Variants in ASIP observed in about 807,000 individuals in gnomAD.
ASIP encodes agouti-signaling protein.
In ASIP, 11 loss-of-function variants were observed where a neutral mutation model predicts 10.3. The ratio of observed to expected loss-of-function variants is 1.07; its 90% CI spans 0.68 to 1.78. ASIP has a LOEUF of 1.78. Ranked by LOEUF, ASIP falls within the 40% of genes most tolerant of loss-of-function variation. The probability of loss-of-function intolerance (pLI) is 0.00; values close to 1 mark genes in which losing one functional copy is unlikely to be tolerated. For synonymous variants in ASIP, 70 were observed against 70.8 expected, an observed-to-expected ratio of 0.99 and a Z score of 0.06; for missense variants, 180 against 169.2, an observed-to-expected ratio of 1.06 and a Z score of -0.35.
chr20:34,217,753 G>A (rs1436068219), intron 1 of ASIP, among the ~76,000 whole-genome samples: 2 of 152,044 alleles, frequency 1.3e-5, no homozygotes, highest in Non-Finnish European at 2.9e-5. Flanking sequence ...TAGTAGAGAC[G>A]GGGTTTCACC....
intron 1 of ASIP, among the ~76,000 whole-genome samples, chr20:34,234,129 C>T (rs1443113151): frequency 6.6e-6 from 1 of 152,166 alleles, no homozygotes; most frequent in Non-Finnish European, 1.5e-5. Context: ...CTGAGTGGCA[C>T]AAGCTTGATC....
chr20:34,209,141 C>T (rs2034956464), intron 1 of ASIP, among the ~76,000 whole-genome samples: 1 of 152,206 alleles, frequency 6.6e-6, no homozygotes, highest in African/African-American at 2.4e-5. Context: ...ACTTGTAGTA[C>T]TGATGATAGC....
At chr20:34,220,167 T>G (rs2035036316) in intron 1 of ASIP, among the ~76,000 whole-genome samples, 1 of 152,196 alleles carries the variant, frequency 6.6e-6, no homozygotes, top group South Asian at 2.1e-4. Flanking sequence ...CATCTACACG[T>G]GTAGAACTGA....
chr20:34,262,662 CG>C (rs2035714459), intron 2 of ASIP, among the ~76,000 whole-genome samples, 169 bp from the exon 3 acceptor site: 1 of 152,078 alleles, frequency 6.6e-6, no homozygotes. Context: ...GGTCAGTAGC[CG>C]GGCTAACAAG....
chr20:34,246,981 T>G (rs1047310287), intron 1 of ASIP, among the ~76,000 whole-genome samples: 3 of 150,528 alleles, frequency 2.0e-5, no homozygotes, highest in Non-Finnish European at 4.4e-5. Context: ...TGTTGTTGGT[T>G]TTTGTTTTTT....
chr20:34,231,767 T>A (rs2035123386), intron 1 of ASIP, among the ~76,000 whole-genome samples: 1 of 152,202 alleles, frequency 6.6e-6, no homozygotes, highest in South Asian at 2.1e-4. Flanking sequence ...AATAAGCTCA[T>A]TAGGGAAATA....
rs558870636 is a variant in ASIP at position 34,198,390 on chromosome 20, A to G, written c.-11+3630A>G. Among the ~76,000 whole-genome samples, 12 of 152,104 alleles carry G rather than the reference A, an allele frequency of 7.9e-5. No homozygotes were observed. The South Asian group carries it at 2.3e-3, about 29-fold the overall frequency. Reference sequence around the variant, plus strand: ...CAGGCGTGAGCCACCGAGCCCGGTCATTGCTTAACGTTTTAAATCCTCATC... The same window carrying G: ...CAGGCGTGAGCCACCGAGCCCGGTCGTTGCTTAACGTTTTAAATCCTCATC... On this transcript the variant is annotated intron_variant, in intron 1 of 3. Coordinates refer to the ASIP transcript ENST00000568305.
chr20:34,215,756 G>A, intron 1 of ASIP: 1 of 1,502,746 alleles, frequency 6.7e-7, no homozygotes, highest in Non-Finnish European at 9.3e-7. Context: ...ATCACTATAT[G>A]TCCTCTGGGC....
intron 1 of ASIP, chr20:34,214,016 T>A (rs1244080409): frequency 5.4e-6 from 8 of 1,474,414 alleles, no homozygotes; most frequent in Non-Finnish European, 6.6e-6. Context: ...AGATTCCTCA[T>A]TAAGGCTTCT....
chr20:34,220,753 C>T (rs930159222), intron 1 of ASIP, among the ~76,000 whole-genome samples: 3 of 152,096 alleles, frequency 2.0e-5, no homozygotes, highest in Admixed American at 2.0e-4. Context: ...GGAACACTGA[C>T]AATATACGTG....
rs920941821 is a variant in ASIP, at chr20:34,233,368, T to C, written c.-10-26997T>C. ...TTCACTATGTTAGCCAGGATGGTCT[T>C]GATCTCCTGACCTCATGATCTGCCC... On this transcript the variant is annotated intron_variant, in intron 1 of 3. Coordinates refer to the ASIP transcript ENST00000568305. Among the ~76,000 whole-genome samples the C allele has an allele frequency of 4.6e-5, 7 of 152,036 alleles. No individual in the cohort carries two copies. In the East Asian group the frequency reaches 1.4e-3, roughly 29 times the overall value.
chr20:34,195,074 G>C (rs2034846054), intron 1 of ASIP, among the ~76,000 whole-genome samples: 1 of 151,020 alleles, frequency 6.6e-6, no homozygotes, highest in Non-Finnish European at 1.5e-5. Flanking sequence ...CTAAATTATT[G>C]TTGTAGTTGC....
Position 34,269,224 on chromosome 20 carries a change from G to A in ASIP, c.*57G>A, listed in dbSNP as rs2035845892. The A allele has an allele frequency of 7.0e-7, 1 of 1,435,664 alleles. No individual in the cohort carries two copies. The highest frequency in any genetic ancestry group is 9.1e-7 in the Non-Finnish European group (1 of 1,098,908). 88.9% of individuals were successfully genotyped at this position (1,435,664 alleles called of 1,614,324 possible). On this transcript the variant is annotated 3_prime_UTR_variant, in exon 4 of 4. Transcript: ENST00000374954. ...GCTTCGGGGACGCGGGGCGCTTCTC[G>A]GGCGGGTGATCCCTAACAGGGCGGC...
chr20:34,260,646 C>A (rs566744399), intron 2 of ASIP, 112 bp downstream of exon 2: 3 of 1,236,096 alleles, frequency 2.4e-6, no homozygotes, highest in South Asian at 3.3e-5. Context: ...CCTTCTTGCT[C>A]GTTCCAGGAA....
intron 1 of ASIP, among the ~76,000 whole-genome samples, chr20:34,205,567 A>G (rs986222065): frequency 2.0e-5 from 3 of 149,452 alleles, no homozygotes; most frequent in Non-Finnish European, 4.4e-5. Flanking sequence ...GTGGAAGGGG[A>G]CCCAAACGGG....
chr20:34,214,837 A>C, intron 1 of ASIP: 1 of 1,603,286 alleles, frequency 6.2e-7, no homozygotes, highest in South Asian at 1.1e-5. Flanking sequence ...ATTAGAAGAA[A>C]TATCATCATC....
At chr20:34,264,316 C>T (rs141601039) in intron 3 of ASIP, among the ~76,000 whole-genome samples, 1 of 152,150 alleles carries the variant, frequency 6.6e-6, no homozygotes, top group African/African-American at 2.4e-5. Context: ...GTTGCCATTG[C>T]GGCATGCTCA....
upstream of ASIP, among the ~76,000 whole-genome samples, chr20:34,190,116 T>G (rs2034816046): frequency 6.6e-6 from 1 of 152,182 alleles, no homozygotes; most frequent in Non-Finnish European, 1.5e-5. Flanking sequence ...TTAGGAGTCA[T>G]TCCGTGTGAT....
intron 3 of ASIP, among the ~76,000 whole-genome samples, chr20:34,266,674 A>AAAAC (rs139652564): frequency 2.7e-4 from 41 of 152,298 alleles, no homozygotes; most frequent in African/African-American, 7.2e-4. Flanking sequence ...CTCCATCTCA[A>AAAAC]AAACAAACAA....
Sources: gnomAD v4.1 joint callset for allele counts (sites outside exome capture counted in the v4.1 genomes callset) on GRCh38, gnomAD v4.1.1 for gene constraint, MANE v1.5 for transcripts, NCBI Gene and HGNC (gene_info 2026-07-23, HGNC 2026-07-21) for gene names.